ROGDI: variants seen among roughly 807,000 people sequenced by gnomAD.
ROGDI encodes rogdi atypical leucine zipper, also known as protein rogdi homolog.
A neutral mutation model predicts 43.1 loss-of-function variants in ROGDI; 46 were observed. The ratio of observed to expected loss-of-function variants is 1.07; its 90% confidence interval spans 0.84 to 1.37. The LOEUF is 1.37. Ranked by LOEUF, ROGDI falls within the 40% of genes most tolerant of loss-of-function variation. The pLI is 0.00. For synonymous variants in ROGDI, 243 were observed against 162.0 expected (o/e 1.50, Z -3.80); for missense variants, 518 against 383.9 (o/e 1.35, Z -2.92).
intron 2 of ROGDI, 149 bp downstream of exon 2, chr16:4,802,233 C>T (rs1207079011): frequency 1.3e-6 from 1 of 743,482 alleles, no homozygotes; most frequent in Admixed American, 2.1e-5. Flanking sequence ...ATGAGGTCGG[C>T]TCGAGTTCGC....
At position 4,799,360 on chromosome 16, in the gene ROGDI, G is replaced by A. The variant is rs114810693; in HGVS notation, c.432+326C>T. Among the ~76,000 whole-genome samples the A allele has an allele frequency of 5.5e-3, 839 of 152,244 alleles. 8 individuals are homozygous for A. Among genetic ancestry groups the A allele is most frequent in the African/African-American group, 0.019 (800 of 41,524 alleles). The stretch of plus-strand genomic sequence containing the variant: ...TGAACCACCGGAGGACACACAGCAA[G>A]TCAGGGGCAGAACTCAAGCATGAGG... On this transcript the variant is annotated intron_variant, in intron 6 of 10. Coordinates refer to ENST00000322048, the MANE Select transcript of ROGDI (RefSeq NM_024589.3).
chr16:4,801,197 G>C (rs745523392), intron 4 of ROGDI, 70 bp downstream of exon 4: 7 of 1,347,506 alleles, frequency 5.2e-6, no homozygotes, highest in Non-Finnish European at 7.2e-6. Context: ...GGCTTGTACA[G>C]AGAGAAAGTG....
At position 4,798,003 on chromosome 16, in the gene ROGDI, C is replaced by T. The variant is rs1417043762; in HGVS notation, c.646-16G>A. 4 of 1,612,928 alleles carry T rather than the reference C, an allele frequency of 2.5e-6. No homozygotes were observed. Among genetic ancestry groups the T allele is most frequent in the Non-Finnish European group, 8.5e-7 (1 of 1,179,454 alleles). ...GGCGGAAGTTCTAGGGAGAACAGCA[C>T]CAGACCCGTCAGGCCTTGCAGGGCG... On this transcript the variant is annotated splice_polypyrimidine_tract_variant and intron_variant, in intron 8 of 10. Transcript: ENST00000322048.
chr16:4,801,492 C>A lies in ROGDI; in HGVS notation c.200+11G>T, dbSNP rs1465381564. On this transcript the variant is annotated intron_variant, in intron 3 of 10. Coordinates refer to ENST00000322048, the MANE Select transcript of ROGDI (RefSeq NM_024589.3). ...ACCCATTTCCCCGGTTTCCGCCTAG[C>A]CCAGGCTCACCCACAGCTGCCTAGG... The A allele has an allele frequency of 6.3e-7, 1 of 1,599,002 alleles. No homozygotes were observed.
At chr16:4,798,518 G>C in intron 7 of ROGDI, 51 bp downstream of exon 7, 3 of 1,399,648 alleles carry the variant, frequency 2.1e-6, no homozygotes, top group Non-Finnish European at 2.9e-6. Flanking sequence ...GGCAAGCTGG[G>C]ACCCACTGTG....
chr16:4,799,689 G>T lies in ROGDI; in HGVS notation c.429C>A (p.Leu143=). The T allele has an allele frequency of 6.2e-7, 1 of 1,612,072 alleles. No homozygotes were observed. Among genetic ancestry groups the T allele is most frequent in the Non-Finnish European group, 8.5e-7 (1 of 1,178,734 alleles). ...GTCAGGCCCGGGGGCAGCTCACCTT[G>T]AGGACCTCAGCGCCCGTCTTGAACT... is the stretch of plus-strand genomic sequence containing the variant. ...SYQFKTGAEV[L]KLMDAVMLQL... Residue 143 remains leucine, a synonymous_variant, in exon 6 of 11, where the codon CTC becomes CTA. Coordinates refer to ENST00000322048, the MANE Select transcript of ROGDI (RefSeq NM_024589.3).
chr16:4,802,353 G>C, intron 2 of ROGDI, 29 bp downstream of exon 2: 1 of 1,544,184 alleles, frequency 6.5e-7, no homozygotes, highest in Non-Finnish European at 8.7e-7. Flanking sequence ...GGGCCGCCAC[G>C]CCCGGCGGGG....
At chr16:4,799,882 ACT>A in intron 5 of ROGDI, 101 bp from the exon 6 acceptor site, 1 of 818,578 alleles carries the variant, frequency 1.2e-6, no homozygotes. Flanking sequence ...CACTCTCCAC[ACT>A]GTCATCCCTG....
rs560071426 is a variant in ROGDI at position 4,798,713 on chromosome 16, T to C, written c.433-46A>G. The C allele has an allele frequency of 5.9e-5, 85 of 1,447,310 alleles. No individual in the cohort carries two copies. In the South Asian group the frequency reaches 9.4e-4, roughly 16 times the overall value. The allele number at this position is 1,447,310 out of a possible 1,614,324, so 89.7% of individuals were successfully genotyped here. Reference sequence around the variant, plus strand: ...GGCTCTGCGTCCTCCCGTGTCCCCATGCATTAAGGAACAACAGACATGGTA... The same window carrying C: ...GGCTCTGCGTCCTCCCGTGTCCCCACGCATTAAGGAACAACAGACATGGTA... On this transcript the variant is annotated intron_variant, in intron 6 of 10. Transcript: ENST00000322048.
In ROGDI at chr16:4,797,009, G is replaced by C. The variant is rs886052034; in HGVS notation, c.*451C>G. On this transcript the variant is annotated 3_prime_UTR_variant, in exon 11 of 11. Coordinates refer to ENST00000322048, the MANE Select transcript of ROGDI (RefSeq NM_024589.3). ...TTATTTCTTAGACAGCCCTGGACTGGGGCTATGAAACACAGTCACCAGCAC... is the reference window on the plus strand; with the variant it reads ...TTATTTCTTAGACAGCCCTGGACTGCGGCTATGAAACACAGTCACCAGCAC... 2 of 163,032 alleles carry C rather than the reference G, an allele frequency of 1.2e-5. No homozygotes were observed. The highest frequency in any genetic ancestry group is 2.4e-5 in the African/African-American group (1 of 41,672). 10.1% of individuals were successfully genotyped at this position (163,032 alleles called of 1,614,324 possible). A position where few individuals can be genotyped will look rare whatever the true frequency, so the allele number is the denominator to read the frequency against.
At chr16:4,801,926 G>C (rs777843291) in intron 2 of ROGDI, 1 of 566,992 alleles carries the variant, frequency 1.8e-6, no homozygotes, top group East Asian at 3.4e-5. Flanking sequence ...GCGGTCCTGG[G>C]CCACAGCAAG....
At chr16:4,799,251 C>A (rs996851708) in intron 6 of ROGDI, among the ~76,000 whole-genome samples, 5 of 152,078 alleles carry the variant, frequency 3.3e-5, no homozygotes, top group Non-Finnish European at 7.4e-5. Context: ...GGGCCTGTAG[C>A]ACCCTAGGGT....
chr16:4,801,723 G>A (rs1290318904), intron 2 of ROGDI, 138 bp from the exon 3 acceptor site: 1 of 772,740 alleles, frequency 1.3e-6, no homozygotes, highest in Non-Finnish European at 2.1e-6. Context: ...TTCAGCTGGG[G>A]TGGGAAGACC....
In ROGDI at chr16:4,801,555, A is replaced by G; in HGVS notation, c.148T>C (p.Ser50Pro). ...TGCTTGGCGGGCCCCTCAGTGCCGGAGCCCGGCAGAGTGAAGCGCAGAGAG... is the reference window on the plus strand; with the variant it reads ...TGCTTGGCGGGCCCCTCAGTGCCGGGGCCCGGCAGAGTGAAGCGCAGAGAG... The part of the protein sequence containing the change: ...EASLRFTLPG[S>P]GTEGPAKQEN... Residue 50 changes from serine to proline, a missense_variant, in exon 3 of 11, where the codon TCC becomes CCC. Transcript: ENST00000322048. 1 of 1,605,652 alleles carries G rather than the reference A, an allele frequency of 6.2e-7. No individual in the cohort carries two copies. The highest frequency in any genetic ancestry group is 1.1e-5 in the South Asian group (1 of 89,406).
intron 8 of ROGDI, 34 bp downstream of exon 8, chr16:4,798,037 G>GCGGGCAGTGGGC: frequency 1.2e-6 from 2 of 1,613,514 alleles, no homozygotes. Flanking sequence ...CGTGTGCATG[G>GCGGGCAGTGGGC]CGGGCAGTGG....
At position 4,797,819 on chromosome 16, in the gene ROGDI, C is replaced by A; in HGVS notation, c.717G>T (p.Leu239=). Residue 239 remains leucine, a synonymous_variant, in exon 10 of 11, where the codon CTG becomes CTT. Transcript: ENST00000322048. ...CCACTTTGTGCACGTGGCTCACCTC[C>A]AGGCGCTGAGAGCCCCACTCGCTGT... ...GAMFEWGSQR[L]EVSHVHKVEC... is the part of the protein sequence containing the mutation. The A allele has an allele frequency of 6.2e-7, 1 of 1,612,374 alleles. No homozygotes were observed. Among genetic ancestry groups the A allele is most frequent in the Non-Finnish European group, 8.5e-7 (1 of 1,179,952 alleles).
At chr16:4,798,941 G>T (rs182969382) in intron 6 of ROGDI, 54 of 506,048 alleles carry the variant, frequency 1.1e-4, no homozygotes, top group Middle Eastern at 4.9e-4. Flanking sequence ...GTCCTGGGAG[G>T]TCAGTCCCAG....
chr16:4,802,112 G>A, intron 2 of ROGDI: 1 of 649,486 alleles, frequency 1.5e-6, no homozygotes, highest in Middle Eastern at 2.4e-4. Context: ...TCCCAGATTG[G>A]ATGCCGCTGC....
intron 5 of ROGDI, 77 bp downstream of exon 5, chr16:4,800,421 T>C: frequency 8.3e-7 from 1 of 1,201,660 alleles, no homozygotes; most frequent in Non-Finnish European, 1.2e-6. Context: ...GGCTAGTCCC[T>C]CTCCAGGGAG....
Sources: gnomAD v4.1 joint callset for allele counts (sites outside exome capture counted in the v4.1 genomes callset) on GRCh38, gnomAD v4.1.1 for gene constraint, MANE v1.5 for transcripts, NCBI Gene and HGNC (gene_info 2026-07-23, HGNC 2026-07-21) for gene names.